ANXA7: variants seen among roughly 807,000 people sequenced by gnomAD.
The protein encoded by ANXA7 is annexin VII.
In ANXA7, 55 loss-of-function variants were observed where a neutral mutation model predicts 64.9. That is an observed-to-expected ratio of 0.85 (90% confidence interval 0.68 to 1.06). The LOEUF (loss-of-function observed/expected upper bound fraction) is 1.06, where lower values mean the gene tolerates loss of function less well. ANXA7 is among the 50% of genes least tolerant of loss of function. ANXA7 has a pLI of 0.00. For missense variants in ANXA7, 548 were observed against 582.1 expected (o/e 0.94, Z 0.60); for synonymous variants, 200 against 192.4 (o/e 1.04, Z -0.33).
At chr10:73,397,111 T>C in intron 4 of ANXA7, 53 bp downstream of exon 4, 1 of 1,012,242 alleles carries the variant, frequency 9.9e-7, no homozygotes, top group Non-Finnish European at 1.4e-6. Context: ...CAATGGTGAT[T>C]TAAAAACTCA....
At chr10:73,409,984 T>A (rs1354214206) in intron 1 of ANXA7, among the ~76,000 whole-genome samples, 1 of 152,182 alleles carries the variant, frequency 6.6e-6, no homozygotes. Context: ...ACTGGATCCC[T>A]AACTATCATC....
intron 7 of ANXA7, among the ~76,000 whole-genome samples, chr10:73,386,593 C>A (rs2055374610): frequency 6.6e-6 from 1 of 152,130 alleles, no homozygotes; most frequent in African/African-American, 2.4e-5. Context: ...AAAAGGTATT[C>A]AAGGCCAGGA....
At position 73,411,869 on chromosome 10, in the gene ANXA7, G is replaced by GA. The variant is rs113860616; in HGVS notation, c.-2+2142dup. On this transcript the variant is annotated intron_variant, in intron 1 of 12. Coordinates refer to ENST00000372921, the MANE Select transcript of ANXA7 (RefSeq NM_001156.5). Reference sequence around the variant, plus strand: ...GAAACCATCTATAACACGTATTAATGAAAAAAAAAAAAGGCAAAGTGAAAA... The same window carrying GA: ...GAAACCATCTATAACACGTATTAATGAAAAAAAAAAAAAGGCAAAGTGAAAA... Among the ~76,000 whole-genome samples, 903 of 139,136 alleles carry GA rather than the reference G, an allele frequency of 6.5e-3. 8 individuals are homozygous for GA. Among genetic ancestry groups the GA allele is most frequent in the Admixed American group, 0.011 (158 of 13,788 alleles). The allele number at this position is 139,136 out of a possible 152,430, so 91.3% of individuals were successfully genotyped here. A position where few individuals can be genotyped will look rare whatever the true frequency, so the allele number is the denominator to read the frequency against.
intron 3 of ANXA7, among the ~76,000 whole-genome samples, 177 bp downstream of exon 3, chr10:73,398,004 T>G (rs1276644677): frequency 6.6e-6 from 1 of 152,146 alleles, no homozygotes; most frequent in Non-Finnish European, 1.5e-5. Context: ...GCTCCCAGCT[T>G]TCATGTCCCC....
intron 9 of ANXA7, among the ~76,000 whole-genome samples, chr10:73,380,629 T>A (rs1249510641): frequency 6.6e-6 from 1 of 152,182 alleles, no homozygotes; most frequent in African/African-American, 2.4e-5. Context: ...ATATGCTTCA[T>A]TTCTATGCAT....
rs3209847 is a variant in ANXA7, at chr10:73,376,089, T to A, written c.*6A>T. 2 of 1,525,796 alleles carry A rather than the reference T, an allele frequency of 1.3e-6. No homozygotes were observed. Among genetic ancestry groups the A allele is most frequent in the African/African-American group, 1.4e-5 (1 of 70,174 alleles). 94.5% of individuals were successfully genotyped at this position (1,525,796 alleles called of 1,614,324 possible). On this transcript the variant is annotated 3_prime_UTR_variant, in exon 13 of 13. Coordinates refer to ENST00000372921, the MANE Select transcript of ANXA7 (RefSeq NM_001156.5). Reference sequence around the variant, plus strand: ...TTTTTTTTCATTAAAAAAAAAAAAATCCCTCCTACTGGCCCACAATAGCCA... The same window carrying A: ...TTTTTTTTCATTAAAAAAAAAAAAAACCCTCCTACTGGCCCACAATAGCCA...
chr10:73,402,648 T>G (rs997767894), intron 1 of ANXA7, among the ~76,000 whole-genome samples: 1 of 152,228 alleles, frequency 6.6e-6, no homozygotes. Flanking sequence ...CTCTGGATTC[T>G]AAAGTCAAAT....
intron 1 of ANXA7, among the ~76,000 whole-genome samples, chr10:73,404,152 C>T (rs1480411041): frequency 2.0e-5 from 3 of 152,116 alleles, no homozygotes; most frequent in African/African-American, 7.2e-5. Flanking sequence ...AATTAGAATG[C>T]TTTCTGATGG....
intron 5 of ANXA7, 129 bp downstream of exon 5, chr10:73,396,390 G>A: frequency 1.4e-6 from 1 of 702,356 alleles, no homozygotes; most frequent in East Asian, 2.5e-5. Context: ...GAGTCTATCA[G>A]AAGTAAAGAC....
chr10:73,383,870 C>T (rs1434123772), intron 7 of ANXA7, among the ~76,000 whole-genome samples, 180 bp from the exon 8 acceptor site: 1 of 151,988 alleles, frequency 6.6e-6, no homozygotes, highest in Non-Finnish European at 1.5e-5. Flanking sequence ...GCCTGTAATC[C>T]CAGCACTTTG....
intron 1 of ANXA7, among the ~76,000 whole-genome samples, chr10:73,407,579 A>G (rs538230557): frequency 1.3e-5 from 2 of 152,334 alleles, no homozygotes; most frequent in Non-Finnish European, 2.9e-5. Flanking sequence ...TTGTAAATAT[A>G]TGTTTTGGCA....
At chr10:73,387,828 G>T in intron 6 of ANXA7, 45 bp from the exon 7 acceptor site, 2 of 1,284,320 alleles carry the variant, frequency 1.6e-6, no homozygotes, top group Non-Finnish European at 2.3e-6. Flanking sequence ...GTACATGCTA[G>T]GTGCTGCTTG....
At chr10:73,376,645 C>T (rs1407835241) in intron 12 of ANXA7, among the ~76,000 whole-genome samples, 1 of 152,124 alleles carries the variant, frequency 6.6e-6, no homozygotes, top group African/African-American at 2.4e-5. Context: ...CAAAGAATTA[C>T]AATATGACCT....
intron 1 of ANXA7, among the ~76,000 whole-genome samples, chr10:73,406,353 G>A (rs1307362932): frequency 6.6e-6 from 1 of 152,140 alleles, no homozygotes. Context: ...CTTGATGCCT[G>A]TCTTACTAAA....
At chr10:73,404,977 G>A (rs904600110) in intron 1 of ANXA7, among the ~76,000 whole-genome samples, 9 of 151,520 alleles carry the variant, frequency 5.9e-5, no homozygotes, top group Admixed American at 1.3e-4. Flanking sequence ...GGCCGGGCGC[G>A]GTGGCTCACG....
chr10:73,388,183 C>A, intron 6 of ANXA7, 129 bp downstream of exon 6: 1 of 670,592 alleles, frequency 1.5e-6, no homozygotes. Flanking sequence ...AGGCACTAGA[C>A]ATCAGATTAA....
In ANXA7 at chr10:73,411,050, G is replaced by A. The variant is rs373527326; in HGVS notation, c.-2+2962C>T. On this transcript the variant is annotated intron_variant, in intron 1 of 12. Transcript: ENST00000372921. ...GCAAAGATGTGGAACCAATCTAAGT[G>A]CCCATCAACTGAGTGGATAAAGAAA... Among the ~76,000 whole-genome samples, 7 of 152,246 alleles carry A rather than the reference G, an allele frequency of 4.6e-5. No homozygotes were observed. The South Asian group carries it at 1.2e-3, about 27-fold the overall frequency.
At chr10:73,395,334 T>C (rs1486440338) in intron 5 of ANXA7, among the ~76,000 whole-genome samples, 1 of 152,100 alleles carries the variant, frequency 6.6e-6, no homozygotes, top group East Asian at 1.9e-4. Context: ...AAAACAAGCT[T>C]GAAAATGCTA....
intron 11 of ANXA7, 142 bp from the exon 12 acceptor site, chr10:73,379,165 A>G (rs2055233804): frequency 3.6e-6 from 2 of 557,748 alleles, no homozygotes; most frequent in East Asian, 7.1e-5. Flanking sequence ...AAGAGTGTTC[A>G]GATGCTCTCC....
Sources: allele counts gnomAD v4.1 joint callset (sites outside exome capture counted in the v4.1 genomes callset), GRCh38; gene constraint gnomAD v4.1.1; transcripts MANE v1.5; gene names NCBI Gene and HGNC (gene_info 2026-07-23, HGNC 2026-07-21).